The following CCAR1 variants were observed in gnomAD, a reference collection of about 807,000 sequenced individuals.
CCAR1 encodes cell division cycle and apoptosis regulator 1, also known as cell division cycle and apoptosis regulator protein 1.
A neutral mutation model predicts 163.8 loss-of-function variants in CCAR1; 78 were observed. That is an observed-to-expected ratio of 0.48 (90% CI 0.40 to 0.57). CCAR1 has a LOEUF of 0.57. Among genes scored for constraint, CCAR1 ranks in the 20% least tolerant of loss-of-function variants. CCAR1 has a pLI of 0.00. For missense variants in CCAR1, 1,019 were observed against 1,365.2 expected, an observed-to-expected ratio of 0.75 and a Z score of 4.00; for synonymous variants, 443 against 460.7, an observed-to-expected ratio of 0.96 and a Z score of 0.49.
At chr10:68,746,763 A>T (rs981258068) in intron 6 of CCAR1, among the ~76,000 whole-genome samples, 2 of 151,740 alleles carry the variant, frequency 1.3e-5, no homozygotes, top group Non-Finnish European at 1.5e-5. Flanking sequence ...TTATTACTAG[A>T]GACAGGGTTT....
At chr10:68,734,784 G>A (rs1305418163) in intron 2 of CCAR1, among the ~76,000 whole-genome samples, 1 of 152,020 alleles carries the variant, frequency 6.6e-6, no homozygotes, top group Non-Finnish European at 1.5e-5. Context: ...ATTTTTCTAG[G>A]AGATGCATTT....
At chr10:68,749,298 C>A in intron 9 of CCAR1, 33 bp downstream of exon 9, 1 of 1,572,364 alleles carries the variant, frequency 6.4e-7, no homozygotes, top group South Asian at 1.2e-5. Context: ...TGGATGGTGG[C>A]AATGGTTGTA....
chr10:68,722,174 G>A (rs2055869033), intron 1 of CCAR1, among the ~76,000 whole-genome samples: 1 of 152,132 alleles, frequency 6.6e-6, no homozygotes, highest in African/African-American at 2.4e-5. Flanking sequence ...GATGGTCTTC[G>A]TTTAAATGTG....
intron 10 of CCAR1, among the ~76,000 whole-genome samples, chr10:68,751,859 C>T (rs2133356638): frequency 6.6e-6 from 1 of 150,534 alleles, no homozygotes; most frequent in East Asian, 2.0e-4. Context: ...GGGAGACTGT[C>T]TCAAAAAATA....
Position 68,723,223 on chromosome 10 carries a change from G to A in CCAR1, c.73+646G>A, listed in dbSNP as rs187684338. 6.1e-3 allele frequency among the ~76,000 whole-genome samples: 913 copies of A among 150,906 alleles called. 6 individuals carry two copies. The highest frequency in any genetic ancestry group is 0.021 in the African/African-American group (873 of 41,250). On this transcript the variant is annotated intron_variant, in intron 2 of 24. Coordinates refer to ENST00000265872, the MANE Select transcript of CCAR1 (RefSeq NM_018237.4). ...TGCAAGCTCCGCCTCCCGGGTTCAC[G>A]CCATTCTCCTGCCTCAGCCTCCTGA... is the stretch of plus-strand genomic sequence containing the variant.
At chr10:68,757,636 G>A (rs2056411932) in intron 15 of CCAR1, among the ~76,000 whole-genome samples, 1 of 151,458 alleles carries the variant, frequency 6.6e-6, no homozygotes, top group South Asian at 2.1e-4. Context: ...GTTTGGTCTC[G>A]AACTCCTGAC....
chr10:68,775,246 A>T (rs983241501), intron 19 of CCAR1, among the ~76,000 whole-genome samples: 1 of 152,194 alleles, frequency 6.6e-6, no homozygotes, highest in Admixed American at 6.5e-5. Context: ...ATAAGGTCGT[A>T]ATAGCATCTA....
chr10:68,789,932 T>C lies in CCAR1; in HGVS notation c.3393+17T>C. Reference sequence around the variant, plus strand: ...CTCAAGAAGGTGAGAAATTTTGTACTTTTAACATTTTCTTAGTTTTAAAAA... The same window carrying C: ...CTCAAGAAGGTGAGAAATTTTGTACCTTTAACATTTTCTTAGTTTTAAAAA... On this transcript the variant is annotated intron_variant, in intron 24 of 24. Transcript: ENST00000265872. 5.4e-6 allele frequency: 8 copies of C among 1,470,490 alleles called. No homozygotes were observed. Among genetic ancestry groups the C allele is most frequent in the Non-Finnish European group, 7.4e-6 (8 of 1,087,728 alleles). The allele number at this position is 1,470,490 out of a possible 1,614,324, so 91.1% of individuals were successfully genotyped here. A position where few individuals can be genotyped will look rare whatever the true frequency, so the allele number is the denominator to read the frequency against.
At chr10:68,721,812 A>G (rs1589148195) in intron 1 of CCAR1, 2 of 257,072 alleles carry the variant, frequency 7.8e-6, no homozygotes, top group Non-Finnish European at 1.6e-5. Context: ...GTGGCGGCCG[A>G]GGAGGGGGTG....
At chr10:68,790,527 T>A (rs1271664797) in intron 24 of CCAR1, among the ~76,000 whole-genome samples, 1 of 152,114 alleles carries the variant, frequency 6.6e-6, no homozygotes, top group Non-Finnish European at 1.5e-5. Flanking sequence ...GTGTTTTTTT[T>A]GTTTTGTTTT....
At chr10:68,776,367 C>T (rs577071893) in intron 19 of CCAR1, among the ~76,000 whole-genome samples, 1 of 151,658 alleles carries the variant, frequency 6.6e-6, no homozygotes, top group South Asian at 2.1e-4. Context: ...AGTTCGAGAC[C>T]AGCCTAGCCA....
intron 2 of CCAR1, among the ~76,000 whole-genome samples, chr10:68,725,649 CTT>C (rs2055933060): frequency 6.6e-6 from 1 of 152,048 alleles, no homozygotes; most frequent in Admixed American, 6.6e-5. Context: ...TTTTGATTGT[CTT>C]TTAATTTGAA....
At chr10:68,778,937 G>A (rs1402785158) in intron 19 of CCAR1, among the ~76,000 whole-genome samples, 2 of 152,092 alleles carry the variant, frequency 1.3e-5, no homozygotes, top group Non-Finnish European at 2.9e-5. Flanking sequence ...TCCAACCTCC[G>A]CCTCCCGGAT....
chr10:68,760,950 GC>G, intron 15 of CCAR1, 56 bp from the exon 16 acceptor site: 2 of 520,916 alleles, frequency 3.8e-6, no homozygotes, highest in East Asian at 4.0e-5. Flanking sequence ...AATATCCGCT[GC>G]CCCCCGCCCC....
Position 68,766,072 on chromosome 10 carries a change from C to A in CCAR1, c.2291C>A (p.Ser764Ter). The A allele has an allele frequency of 6.3e-7, 1 of 1,593,682 alleles. No individual in the cohort carries two copies. Among genetic ancestry groups the A allele is most frequent in the South Asian group, 1.1e-5 (1 of 90,208 alleles). Residue 764 changes from serine to a stop codon, truncating the protein, a stop_gained, in exon 17 of 25, where the codon TCA becomes TAA. Coordinates refer to ENST00000265872, the MANE Select transcript of CCAR1 (RefSeq NM_018237.4). LOFTEE classifies it high-confidence loss of function. ...DYRLEDNKEH[S>*]FEVSLFAELF... is the part of the protein sequence containing the mutation. Reference sequence around the variant, plus strand: ...AGATTAGAGGATAATAAAGAACATTCATTTGAGGTAATGTTTTAAGTTTGA... The same window carrying A: ...AGATTAGAGGATAATAAAGAACATTAATTTGAGGTAATGTTTTAAGTTTGA...
chr10:68,761,215 T>A (rs753351754), intron 16 of CCAR1, 23 bp downstream of exon 16: 1 of 1,414,338 alleles, frequency 7.1e-7, no homozygotes, highest in Non-Finnish European at 9.6e-7. Context: ...TCTATTATTA[T>A]ACTCTATGGT....
chr10:68,730,487 G>A (rs2056022037), intron 2 of CCAR1, among the ~76,000 whole-genome samples: 2 of 151,746 alleles, frequency 1.3e-5, no homozygotes, highest in African/African-American at 4.8e-5. Flanking sequence ...ACAGGCGCGT[G>A]CCACCATGCC....
chr10:68,759,742 C>CA lies in CCAR1; in HGVS notation c.1921-1255dup, dbSNP rs35316484. Among the ~76,000 whole-genome samples, 874 of 140,116 alleles carry CA rather than the reference C, an allele frequency of 6.2e-3. 14 individuals carry two copies. The highest frequency in any genetic ancestry group is 0.019 in the African/African-American group (735 of 38,286). The allele number at this position is 140,116 out of a possible 152,430, so 91.9% of individuals were successfully genotyped here. On this transcript the variant is annotated intron_variant, in intron 15 of 24. Transcript: ENST00000265872. Reference sequence around the variant, plus strand: ...TGGGTGACAGAGCAAGACCCTGCCTCAAAAAAAAAAGAAAAATGACTCATC... The same window carrying CA: ...TGGGTGACAGAGCAAGACCCTGCCTCAAAAAAAAAAAGAAAAATGACTCATC...
At chr10:68,754,852 T>C in intron 12 of CCAR1, 25 bp downstream of exon 12, 1 of 1,228,796 alleles carries the variant, frequency 8.1e-7, no homozygotes, top group South Asian at 1.2e-5. Flanking sequence ...TTGTTTTAAC[T>C]TTAGATGTAT....
Sources: gnomAD v4.1 joint callset for allele counts (sites outside exome capture counted in the v4.1 genomes callset) on GRCh38, gnomAD v4.1.1 for gene constraint, MANE v1.5 for transcripts, NCBI Gene and HGNC (gene_info 2026-07-23, HGNC 2026-07-21) for gene names.